SLIT3: variants seen among roughly 807,000 people sequenced by gnomAD.
The protein encoded by SLIT3 is slit guidance ligand 3, also known as slit homolog 3 protein.
In SLIT3, 68 loss-of-function variants were observed where a neutral mutation model predicts 184.0. That is an observed-to-expected ratio of 0.37 (90% CI 0.30 to 0.45). The LOEUF is 0.45. Among genes scored for constraint, SLIT3 ranks in the 20% least tolerant of loss-of-function variants. SLIT3 has a pLI of 1.00. For missense variants in SLIT3, 1,707 were observed against 2,026.0 expected (o/e 0.84, Z 3.02); for synonymous variants, 831 against 828.6 (o/e 1.00, Z -0.05).
chr5:168,964,193 T>G (rs1395979217), intron 4 of SLIT3, among the ~76,000 whole-genome samples: 1 of 152,262 alleles, frequency 6.6e-6, no homozygotes, highest in African/African-American at 2.4e-5. Flanking sequence ...AAAACACTTC[T>G]GTAGCACAAT....
intron 4 of SLIT3, among the ~76,000 whole-genome samples, chr5:168,907,680 C>T (rs1227979005): frequency 6.6e-6 from 1 of 151,964 alleles, no homozygotes; most frequent in African/African-American, 2.4e-5. Context: ...TTGGAAAACA[C>T]AGGAAGCGTA....
At position 168,663,665 on chromosome 5, in the gene SLIT3, C is replaced by G. The variant is rs940502457; in HGVS notation, c.*2789G>C. ...TCTGCTCCTCAGTGTGCTTCCCATA[C>G]TCTTGCCACCCTAGATTTTGACTCT... On this transcript the variant is annotated 3_prime_UTR_variant, in exon 36 of 36. Coordinates refer to ENST00000519560, the MANE Select transcript of SLIT3 (RefSeq NM_003062.4). 1.3e-5 allele frequency: 2 copies of G among 152,392 alleles called. No homozygotes were observed. The highest frequency in any genetic ancestry group is 4.8e-5 in the African/African-American group (2 of 41,460). 9.4% of individuals were successfully genotyped at this position (152,392 alleles called of 1,614,324 possible).
At chr5:169,283,883 A>G (rs569778259) in intron 1 of SLIT3, among the ~76,000 whole-genome samples, 4 of 152,330 alleles carry the variant, frequency 2.6e-5, no homozygotes, top group African/African-American at 7.2e-5. Flanking sequence ...AGACTCTTAA[A>G]AAACAGAAAA....
At position 169,065,493 on chromosome 5, in the gene SLIT3, C is replaced by T. The variant is rs1326434374; in HGVS notation, c.413+127986G>A. ...GAGTTGAGCCCACGTCCTGGTGTCC[C>T]CAGAAGTTCTATACTTGTCTCTCTG... On this transcript the variant is annotated intron_variant, in intron 4 of 35. Coordinates refer to ENST00000519560, the MANE Select transcript of SLIT3 (RefSeq NM_003062.4). Among the ~76,000 whole-genome samples the T allele has an allele frequency of 2.6e-5, 4 of 152,086 alleles. No individual in the cohort carries two copies. In the South Asian group the frequency reaches 8.3e-4, roughly 32 times the overall value.
At position 168,772,898 on chromosome 5, in the gene SLIT3, G is replaced by A; in HGVS notation, c.1342C>T (p.Leu448=). The change falls in exon 14 of 36, where the codon CTG becomes TTG. Residue 448 remains leucine, a synonymous_variant. Coordinates refer to ENST00000519560, the MANE Select transcript of SLIT3 (RefSeq NM_003062.4). The part of the protein sequence containing the change: ...PFVCDCHLKW[L]ADYLQDNPIE... ...GGGTTGTCCTGGAGGTAGTCGGCCA[G>A]CCACTTCAAGTGGCAGTCGCACACA... The A allele has an allele frequency of 6.2e-7, 1 of 1,613,218 alleles. No homozygotes were observed. Among genetic ancestry groups the A allele is most frequent in the Non-Finnish European group, 8.5e-7 (1 of 1,179,578 alleles).
chr5:169,175,643 G>A (rs952305901), intron 4 of SLIT3, among the ~76,000 whole-genome samples: 9 of 152,100 alleles, frequency 5.9e-5, no homozygotes, highest in South Asian at 2.1e-4. Flanking sequence ...ATATCTTCTC[G>A]TCTTCCTATG....
chr5:168,778,288 G>C (rs1263036798), intron 12 of SLIT3, among the ~76,000 whole-genome samples: 1 of 152,192 alleles, frequency 6.6e-6, no homozygotes, highest in African/African-American at 2.4e-5. Flanking sequence ...GAGTGGTGAC[G>C]GACTCAACCA....
In SLIT3 at chr5:168,685,873, G is replaced by T. The variant is rs144003142; in HGVS notation, c.3369C>A (p.Cys1123Ter). 1.2e-6 allele frequency: 2 copies of T among 1,613,538 alleles called. No homozygotes were observed. Among genetic ancestry groups the T allele is most frequent in the South Asian group, 1.1e-5 (1 of 91,030 alleles). Residue 1123 changes from cysteine (C) to a stop codon, truncating the protein, a stop_gained, in exon 31 of 36, where the codon TGC becomes TGA. Transcript: ENST00000519560. LOFTEE classifies it high-confidence loss of function. ...PPMVLLQTSPCDQYECQNGAQ... is the reference protein window; with the variant it reads ...PPMVLLQTSP ...CCCCGTTCTGGCACTCGTACTGGTC[G>T]CATGGGCTGGTCTGCAGTAGGACCA...
chr5:169,247,767 A>AT (rs1765644718), intron 2 of SLIT3, among the ~76,000 whole-genome samples: 1 of 151,642 alleles, frequency 6.6e-6, no homozygotes, highest in Non-Finnish European at 1.5e-5. Flanking sequence ...CACCCACCTA[A>AT]TTTTTTTTAG....
intron 4 of SLIT3, among the ~76,000 whole-genome samples, chr5:169,150,155 G>A (rs1026257556): frequency 1.3e-5 from 2 of 152,118 alleles, no homozygotes; most frequent in Admixed American, 6.5e-5. Context: ...ATTAGTTTCT[G>A]TTTTATGAAG....
In SLIT3 at chr5:168,770,959, C is replaced by G. The variant is rs375725024; in HGVS notation, c.1459+1822G>C. 7.9e-5 allele frequency among the ~76,000 whole-genome samples: 12 copies of G among 151,168 alleles called. No individual in the cohort carries two copies. The East Asian group carries it at 1.4e-3, about 17-fold the overall frequency. On this transcript the variant is annotated intron_variant, in intron 14 of 35. Coordinates refer to ENST00000519560, the MANE Select transcript of SLIT3 (RefSeq NM_003062.4). ...CCAAGACTGTGTTCCTGGGGAGATA[C>G]CAGTCCTTGGATCCTGCACTCTTTC...
intron 5 of SLIT3, among the ~76,000 whole-genome samples, chr5:168,874,720 C>T (rs1759666823): frequency 6.6e-6 from 1 of 152,218 alleles, no homozygotes; most frequent in African/African-American, 2.4e-5. Flanking sequence ...TCTCTCCTTG[C>T]TTTTAGATAA....
At chr5:168,679,827 T>C (rs565585073) in intron 32 of SLIT3, among the ~76,000 whole-genome samples, 1 of 152,280 alleles carries the variant, frequency 6.6e-6, no homozygotes, top group South Asian at 2.1e-4. Context: ...GACCCGGATT[T>C]AAATCCTAGC....
chr5:169,276,732 T>C (rs1766819596), intron 1 of SLIT3, among the ~76,000 whole-genome samples: 1 of 152,258 alleles, frequency 6.6e-6, no homozygotes, highest in Admixed American at 6.5e-5. Context: ...AGAATGATTA[T>C]GTTCCCAGTA....
At chr5:169,065,024 G>C (rs1223224437) in intron 4 of SLIT3, among the ~76,000 whole-genome samples, 2 of 152,170 alleles carry the variant, frequency 1.3e-5, no homozygotes, top group East Asian at 3.9e-4. Context: ...TTTGAGGAAG[G>C]TATGGAAATT....
At chr5:168,819,005 A>T (rs1757431837) in intron 7 of SLIT3, among the ~76,000 whole-genome samples, 1 of 152,246 alleles carries the variant, frequency 6.6e-6, no homozygotes, top group Non-Finnish European at 1.5e-5. Flanking sequence ...ATTAATCTGG[A>T]TGTAATTTCC....
At chr5:168,901,502 T>G (rs999959691) in intron 4 of SLIT3, among the ~76,000 whole-genome samples, 2 of 152,224 alleles carry the variant, frequency 1.3e-5, no homozygotes, top group African/African-American at 4.8e-5. Flanking sequence ...TTTGCTGACA[T>G]GATCTTGCCA....
intron 4 of SLIT3, among the ~76,000 whole-genome samples, chr5:168,897,647 T>TGCACGCACACACACACACACACAC (rs3223457): frequency 7.1e-6 from 1 of 141,414 alleles, no homozygotes; most frequent in Non-Finnish European, 1.5e-5. Context: ...CAGGTGCACG[T>TGCACGCACACACACACACACACAC]ACACACACAC....
At chr5:169,153,872 G>C (rs543179389) in intron 4 of SLIT3, among the ~76,000 whole-genome samples, 7 of 152,180 alleles carry the variant, frequency 4.6e-5, no homozygotes, top group African/African-American at 1.7e-4. Context: ...CCATCAAGGT[G>C]AACTACTTGG....
Sources: allele counts gnomAD v4.1 joint callset (sites outside exome capture counted in the v4.1 genomes callset), GRCh38; gene constraint gnomAD v4.1.1; transcripts MANE v1.5; gene names NCBI Gene and HGNC (gene_info 2026-07-23, HGNC 2026-07-21).